Variants in LAMC1 observed in about 807,000 individuals in gnomAD.
The protein encoded by LAMC1 is laminin subunit gamma 1.
In LAMC1, 38 loss-of-function variants were observed where a neutral mutation model predicts 173.6. The ratio of observed to expected loss-of-function variants is 0.22; its 90% CI spans 0.17 to 0.29. The LOEUF is 0.29. LAMC1 is among the 10% of genes least tolerant of loss of function. LAMC1 has a pLI of 1.00. For missense variants in LAMC1, 1,824 were observed against 2,051.8 expected (o/e 0.89, Z 2.14); for synonymous variants, 746 against 749.1 (o/e 1.00, Z 0.07).
intron 1 of LAMC1, 81 bp downstream of exon 1, chr1:183,024,215 T>G: frequency 7.2e-7 from 1 of 1,389,188 alleles, no homozygotes; most frequent in Non-Finnish European, 9.7e-7. Context: ...GTGGCCGGCC[T>G]CACGGGCGCA....
intron 1 of LAMC1, among the ~76,000 whole-genome samples, chr1:183,086,724 G>A (rs1421542065): frequency 6.6e-6 from 1 of 152,112 alleles, no homozygotes; most frequent in African/African-American, 2.4e-5. Context: ...TATAGGACTC[G>A]ACTGAGTACA....
chr1:183,086,019 A>G (rs1455956426), intron 1 of LAMC1, among the ~76,000 whole-genome samples: 2 of 152,194 alleles, frequency 1.3e-5, no homozygotes, highest in Non-Finnish European at 2.9e-5. Flanking sequence ...GAGCCCTTGA[A>G]GGGCACTAAG....
At chr1:183,065,604 A>G (rs1235954907) in intron 1 of LAMC1, among the ~76,000 whole-genome samples, 6 of 152,222 alleles carry the variant, frequency 3.9e-5, no homozygotes, top group African/African-American at 1.4e-4. Flanking sequence ...TTTAAAAGCA[A>G]TGGCTAGACT....
chr1:183,052,925 T>C (rs984852675), intron 1 of LAMC1, among the ~76,000 whole-genome samples: 18 of 152,168 alleles, frequency 1.2e-4, no homozygotes, highest in African/African-American at 4.1e-4. Context: ...GCATAGAGAA[T>C]GGGAACTTAA....
At chr1:183,033,921 A>G (rs1229202539) in intron 1 of LAMC1, among the ~76,000 whole-genome samples, 2 of 151,598 alleles carry the variant, frequency 1.3e-5, no homozygotes, top group Non-Finnish European at 2.9e-5. Flanking sequence ...CTGGTCTCGA[A>G]CTCCTGACCT....
At chr1:183,118,392 A>G (rs959809401) in intron 11 of LAMC1, among the ~76,000 whole-genome samples, 1 of 152,170 alleles carries the variant, frequency 6.6e-6, no homozygotes, top group Non-Finnish European at 1.5e-5. Flanking sequence ...CAGTAGGTCA[A>G]TTGAGGTTAC....
At position 183,133,281 on chromosome 1, in the gene LAMC1, G is replaced by A. The variant is rs74573015; in HGVS notation, c.3705-125G>A. ...GCAAAATGTTGGTATTAAAATGCAAGCATTTTAATGTAGCATTTCCTTTGA... is the reference window on the plus strand; with the variant it reads ...GCAAAATGTTGGTATTAAAATGCAAACATTTTAATGTAGCATTTCCTTTGA... On this transcript the variant is annotated intron_variant, in intron 21 of 27. Transcript: ENST00000258341. 2,883 of 778,170 alleles carry A rather than the reference G, an allele frequency of 3.7e-3. 46 individuals carry two copies. The African/African-American group carries it at 0.038, about 10-fold the overall frequency. 48.2% of individuals were successfully genotyped at this position (778,170 alleles called of 1,614,324 possible). A position where few individuals can be genotyped will look rare whatever the true frequency, so the allele number is the denominator to read the frequency against.
At position 183,041,337 on chromosome 1, in the gene LAMC1, C is replaced by G. The variant is rs117742281; in HGVS notation, c.418+17203C>G. Among the ~76,000 whole-genome samples, 61 of 152,200 alleles carry G rather than the reference C, an allele frequency of 4.0e-4. 2 individuals carry two copies. The East Asian group carries it at 0.011, about 28-fold the overall frequency. On this transcript the variant is annotated intron_variant, in intron 1 of 27. Coordinates refer to ENST00000258341, the MANE Select transcript of LAMC1 (RefSeq NM_002293.4). Reference sequence around the variant, plus strand: ...GTACTACTACATTTTTTTCTTGACTCTTTACTTTTCTGTTTTTTCCTTTGG... The same window carrying G: ...GTACTACTACATTTTTTTCTTGACTGTTTACTTTTCTGTTTTTTCCTTTGG...
intron 1 of LAMC1, among the ~76,000 whole-genome samples, chr1:183,083,274 T>C (rs373251987): frequency 1.5e-4 from 23 of 152,278 alleles, no homozygotes; most frequent in African/African-American, 5.3e-4. Context: ...AACTTTAAAC[T>C]TTAAAGTTGA....
intron 1 of LAMC1, among the ~76,000 whole-genome samples, chr1:183,039,043 A>G (rs1342829581): frequency 6.6e-6 from 1 of 152,092 alleles, no homozygotes; most frequent in Non-Finnish European, 1.5e-5. Context: ...TTACCTGTAG[A>G]CTCGTGCATC....
chr1:183,134,261 A>T (rs900730556), intron 22 of LAMC1, among the ~76,000 whole-genome samples: 1 of 152,312 alleles, frequency 6.6e-6, no homozygotes, highest in Non-Finnish European at 1.5e-5. Context: ...ATATGTACAG[A>T]TTGTCTGATT....
chr1:183,131,457 G>GTGTA, intron 20 of LAMC1, 79 bp downstream of exon 20: 1 of 1,021,650 alleles, frequency 9.8e-7, no homozygotes, highest in Non-Finnish European at 1.5e-6. Context: ...GTGTGTGTGT[G>GTGTA]TGTATTGTCT....
chr1:183,111,251 T>A (rs1656142998), intron 4 of LAMC1, among the ~76,000 whole-genome samples: 1 of 152,080 alleles, frequency 6.6e-6, no homozygotes, highest in Admixed American at 6.6e-5. Context: ...CATGCCCAGC[T>A]AACTTTTGTG....
At chr1:183,125,076 G>C (rs1037087013) in intron 14 of LAMC1, 200 bp downstream of exon 14, 1 of 630,808 alleles carries the variant, frequency 1.6e-6, no homozygotes. Context: ...CTGTGGTCCT[G>C]TAAAAAGAAA....
chr1:183,136,706 T>C, intron 25 of LAMC1, 121 bp downstream of exon 25: 1 of 786,722 alleles, frequency 1.3e-6, no homozygotes, highest in Non-Finnish European at 2.0e-6. Context: ...AAAATTGTCT[T>C]AAACCATATT....
At chr1:183,129,605 A>G (rs1431703075) in intron 18 of LAMC1, among the ~76,000 whole-genome samples, 3 of 151,588 alleles carry the variant, frequency 2.0e-5, no homozygotes, top group Non-Finnish European at 2.9e-5. Flanking sequence ...TTAGACCCCA[A>G]CACCGAGCAT....
At chr1:183,124,241 T>G (rs1359002941) in intron 13 of LAMC1, among the ~76,000 whole-genome samples, 1 of 152,228 alleles carries the variant, frequency 6.6e-6, no homozygotes, top group Non-Finnish European at 1.5e-5. Flanking sequence ...AAACTTACAG[T>G]GTCAAGAGTG....
At chr1:183,105,068 A>AG (rs1449844314) in intron 2 of LAMC1, among the ~76,000 whole-genome samples, 15 of 150,644 alleles carry the variant, frequency 1.0e-4, no homozygotes, top group Admixed American at 1.3e-4. Context: ...AAAAAAAAAA[A>AG]AGTTAGTTAA....
intron 11 of LAMC1, among the ~76,000 whole-genome samples, chr1:183,120,128 C>T (rs1173435839): frequency 8.3e-5 from 11 of 133,296 alleles, no homozygotes; most frequent in African/African-American, 2.5e-4. Flanking sequence ...GTGATCATGC[C>T]GTTGCACACC....
Sources: gnomAD v4.1 joint callset for allele counts (sites outside exome capture counted in the v4.1 genomes callset) on GRCh38, gnomAD v4.1.1 for gene constraint, MANE v1.5 for transcripts, NCBI Gene and HGNC (gene_info 2026-07-23, HGNC 2026-07-21) for gene names.